Variants in ULK4 observed in about 807,000 individuals in gnomAD.
The protein encoded by ULK4 is inactive serine/threonine-protein kinase ULK4.
ULK4 carries 133 observed loss-of-function variants against 160.6 expected under a neutral mutation model. The ratio of observed to expected loss-of-function variants is 0.83; its 90% CI spans 0.72 to 0.96. The LOEUF is 0.96. Among genes scored for constraint, ULK4 ranks in the 40% least tolerant of loss-of-function variants. ULK4 has a pLI of 0.00. For missense variants in ULK4, 1,580 were observed against 1,499.5 expected (o/e 1.05, Z -0.89); for synonymous variants, 534 against 539.8 (o/e 0.99, Z 0.15).
intron 35 of ULK4, among the ~76,000 whole-genome samples, chr3:41,276,977 C>G (rs2079239196): frequency 1.3e-5 from 2 of 152,112 alleles, no homozygotes; most frequent in Admixed American, 1.3e-4. Context: ...ACTATGAACA[C>G]CTTTACACAC....
At chr3:41,849,556 C>T (rs1005069807) in intron 17 of ULK4, among the ~76,000 whole-genome samples, 1 of 152,146 alleles carries the variant, frequency 6.6e-6, no homozygotes, top group Non-Finnish European at 1.5e-5. Flanking sequence ...CTGTATTATA[C>T]TATAATGGTA....
chr3:41,584,775 A>G (rs967759858), intron 31 of ULK4, among the ~76,000 whole-genome samples: 1 of 152,208 alleles, frequency 6.6e-6, no homozygotes, highest in South Asian at 2.1e-4. Flanking sequence ...GATATACATA[A>G]TGTCAAATTC....
intron 21 of ULK4, among the ~76,000 whole-genome samples, chr3:41,757,629 C>CA (rs1197436719): frequency 0.078 from 4,921 of 63,192 alleles, 477 homozygotes; most frequent in African/African-American, 0.24. Flanking sequence ...GAGACTCTCT[C>CA]AAAAAAAAAA....
chr3:41,489,821 A>C (rs1004167215), intron 32 of ULK4, among the ~76,000 whole-genome samples: 21 of 152,184 alleles, frequency 1.4e-4, no homozygotes, highest in Non-Finnish European at 2.9e-4. Flanking sequence ...TAGTTACTAG[A>C]TTTTAAACAT....
At chr3:41,507,612 CAAAAAAAAAAAAA>C (rs71075473) in intron 32 of ULK4, among the ~76,000 whole-genome samples, 7 of 75,284 alleles carry the variant, frequency 9.3e-5, no homozygotes, top group Admixed American at 4.3e-4. Flanking sequence ...AAACCACCAC[CAAAAAAAAAAAAA>C]AAAAAAAAAA....
At chr3:41,464,444 T>C (rs1300951830) in intron 32 of ULK4, among the ~76,000 whole-genome samples, 1 of 151,962 alleles carries the variant, frequency 6.6e-6, no homozygotes, top group Non-Finnish European at 1.5e-5. Flanking sequence ...TAAACAAACT[T>C]GAAAGTAGAA....
chr3:41,938,498 G>A (rs940536259), intron 2 of ULK4, among the ~76,000 whole-genome samples: 4 of 152,132 alleles, frequency 2.6e-5, no homozygotes, highest in South Asian at 2.1e-4. Flanking sequence ...CCTGACCAAC[G>A]CGGTGAAACC....
chr3:41,737,619 G>A (rs2038100971), intron 22 of ULK4, among the ~76,000 whole-genome samples: 1 of 151,872 alleles, frequency 6.6e-6, no homozygotes, highest in Non-Finnish European at 1.5e-5. Context: ...ATTTTTATCT[G>A]TTTAATGCAC....
intron 18 of ULK4, among the ~76,000 whole-genome samples, chr3:41,829,291 C>T (rs1468996870): frequency 1.4e-5 from 2 of 146,216 alleles, no homozygotes; most frequent in Non-Finnish European, 3.0e-5. Flanking sequence ...CCAAAATTGA[C>T]AAATGGGATC....
At chr3:41,758,259 G>A (rs150591995) in intron 21 of ULK4, among the ~76,000 whole-genome samples, 15 of 152,156 alleles carry the variant, frequency 9.9e-5, no homozygotes, top group East Asian at 7.7e-4. Flanking sequence ...AAATTACCCC[G>A]TCTAAGGTAC....
intron 17 of ULK4, among the ~76,000 whole-genome samples, chr3:41,863,102 T>C (rs576147457): frequency 6.6e-6 from 1 of 151,916 alleles, no homozygotes; most frequent in South Asian, 2.1e-4. Context: ...GGGACTAGAG[T>C]CAAAAACCTT....
chr3:41,602,251 AAAAGGAAAGGAAAGG>A (rs56277936), intron 31 of ULK4, among the ~76,000 whole-genome samples: 4,002 of 86,620 alleles, frequency 0.046, 185 homozygotes, highest in African/African-American at 0.086. Context: ...AAGGAAGAGA[AAAAGGAAAGGAAAGG>A]AAAGGAAAGG....
At chr3:41,758,087 A>G (rs2038866169) in intron 21 of ULK4, among the ~76,000 whole-genome samples, 3 of 152,154 alleles carry the variant, frequency 2.0e-5, no homozygotes, top group South Asian at 2.1e-4. Context: ...TACCCTTATA[A>G]AAGAGGCCTG....
intron 34 of ULK4, among the ~76,000 whole-genome samples, chr3:41,419,416 A>G (rs1346661749): frequency 6.6e-6 from 1 of 152,170 alleles, no homozygotes; most frequent in Non-Finnish European, 1.5e-5. Context: ...TCGTGGAGGT[A>G]TTATTTAGGC....
chr3:41,631,738 A>C (rs1192026735), intron 30 of ULK4, among the ~76,000 whole-genome samples: 2 of 152,098 alleles, frequency 1.3e-5, no homozygotes, highest in Non-Finnish European at 2.9e-5. Flanking sequence ...AGAGAGTACA[A>C]AAGGAGAAAT....
chr3:41,874,974 G>A (rs1397745380), intron 17 of ULK4, among the ~76,000 whole-genome samples: 15 of 152,192 alleles, frequency 9.9e-5, no homozygotes, highest in African/African-American at 3.4e-4. Context: ...AGAAGTTAGA[G>A]ACCAGCCTGG....
intron 22 of ULK4, among the ~76,000 whole-genome samples, chr3:41,727,662 A>C (rs1209620579): frequency 2.6e-5 from 4 of 152,186 alleles, no homozygotes; most frequent in Non-Finnish European, 5.9e-5. Flanking sequence ...CAAACCATGT[A>C]AGGGATTGTA....
chr3:41,570,810 C>A (rs2087947693), intron 31 of ULK4, among the ~76,000 whole-genome samples: 1 of 152,086 alleles, frequency 6.6e-6, no homozygotes, highest in African/African-American at 2.4e-5. Context: ...CAGATCCCAG[C>A]CAATCAGGTC....
At chr3:41,569,538 T>A (rs2087899474) in intron 31 of ULK4, among the ~76,000 whole-genome samples, 1 of 152,194 alleles carries the variant, frequency 6.6e-6, no homozygotes, top group African/African-American at 2.4e-5. Context: ...TACTCAGGCA[T>A]CTACAACATC....
Sources: allele counts gnomAD v4.1 joint callset (sites outside exome capture counted in the v4.1 genomes callset), GRCh38; gene constraint gnomAD v4.1.1; transcripts MANE v1.5; gene names NCBI Gene and HGNC (gene_info 2026-07-23, HGNC 2026-07-21).